Variants in GDPD4 observed in about 807,000 individuals in gnomAD.
The protein encoded by GDPD4 is glycerophosphodiester phosphodiesterase 6.
In GDPD4, 60 loss-of-function variants were observed where a neutral mutation model predicts 67.8. The ratio of observed to expected loss-of-function variants is 0.88; its 90% CI spans 0.72 to 1.10. The LOEUF is 1.10. GDPD4 is among the 50% of genes least tolerant of loss of function. The pLI is 0.00. For missense variants in GDPD4, 623 were observed against 613.9 expected, an observed-to-expected ratio of 1.01 and a Z score of -0.16; for synonymous variants, 212 against 210.9, an observed-to-expected ratio of 1.00 and a Z score of -0.04.
intron 13 of GDPD4, 24 bp downstream of exon 13, chr11:77,243,670 A>G: frequency 6.3e-7 from 1 of 1,597,048 alleles, no homozygotes; most frequent in East Asian, 2.2e-5. Context: ...ATATGTGCCA[A>G]GAGAGGTGTG....
rs958817664 is a variant in GDPD4, at chr11:77,233,149, T to C, written c.1265A>G (p.His422Arg). 4 of 1,614,018 alleles carry C rather than the reference T, an allele frequency of 2.5e-6. No homozygotes were observed. The highest frequency in any genetic ancestry group is 3.3e-4 in the Middle Eastern group (2 of 6,062). ...CTCATTGACGGTGTATACGTTGATA[T>C]GGATGTTAGCTGCTTTATAATCTCT... ...GLRDYKAANI[H>R]INVYTVNEPW... Residue 422 changes from histidine (H) to arginine (R), a missense_variant, in exon 14 of 17, where the codon CAT becomes CGT. Physicochemically the swap from His to Arg is conservative, Grantham distance 29. Coordinates refer to ENST00000315938, the MANE Select transcript of GDPD4 (RefSeq NM_182833.3).
chr11:77,279,604 T>A (rs570127840), intron 3 of GDPD4, among the ~76,000 whole-genome samples: 1 of 150,260 alleles, frequency 6.7e-6, no homozygotes, highest in Non-Finnish European at 1.5e-5. Context: ...GTTCATGGGG[T>A]CTGTAAACGC....
intron 10 of GDPD4, among the ~76,000 whole-genome samples, chr11:77,261,734 C>T (rs889314204): frequency 6.6e-6 from 1 of 152,188 alleles, no homozygotes; most frequent in Non-Finnish European, 1.5e-5. Context: ...GGATCCTTTG[C>T]CACTCAGCTA....
At chr11:77,287,878 G>A (rs925108118) in intron 1 of GDPD4, among the ~76,000 whole-genome samples, 1 of 152,132 alleles carries the variant, frequency 6.6e-6, no homozygotes, top group Admixed American at 6.5e-5. Context: ...CTCCCATATG[G>A]AATCAGTTAG....
intron 1 of GDPD4, among the ~76,000 whole-genome samples, chr11:77,296,467 C>T (rs551610509): frequency 6.6e-6 from 1 of 150,824 alleles, no homozygotes; most frequent in Non-Finnish European, 1.5e-5. Flanking sequence ...ATTACAAGCA[C>T]GCACCACTAT....
At chr11:77,266,615 T>C (rs572147997) in intron 10 of GDPD4, among the ~76,000 whole-genome samples, 1 of 152,282 alleles carries the variant, frequency 6.6e-6, no homozygotes, top group East Asian at 1.9e-4. Context: ...AGATGACCGC[T>C]CCATGCATGT....
At chr11:77,278,527 C>T (rs1220733877) in intron 4 of GDPD4, among the ~76,000 whole-genome samples, 1 of 152,336 alleles carries the variant, frequency 6.6e-6, no homozygotes, top group African/African-American at 2.4e-5. Context: ...TCTTCGTATA[C>T]TCAGCACTTC....
intron 10 of GDPD4, among the ~76,000 whole-genome samples, chr11:77,264,495 C>G (rs1257929129): frequency 6.6e-6 from 1 of 151,844 alleles, no homozygotes; most frequent in Non-Finnish European, 1.5e-5. Context: ...AGGAAACAGC[C>G]AGGTAGGAAG....
In GDPD4 at chr11:77,233,174, T is replaced by C; in HGVS notation, c.1242-2A>G. 1 of 1,612,874 alleles carries C rather than the reference T, an allele frequency of 6.2e-7. No homozygotes were observed. Among genetic ancestry groups the C allele is most frequent in the Non-Finnish European group, 8.5e-7 (1 of 1,178,988 alleles). The stretch of plus-strand genomic sequence containing the variant: ...TGGATGTTAGCTGCTTTATAATCTC[T>C]GGAACAAAAACAGAACCCACAGGGG... On this transcript the variant is annotated splice_acceptor_variant, in intron 13 of 16. Transcript: ENST00000315938. LOFTEE classifies it high-confidence loss of function.
intron 1 of GDPD4, among the ~76,000 whole-genome samples, chr11:77,298,274 G>T (rs938599900): frequency 6.6e-6 from 1 of 152,188 alleles, no homozygotes; most frequent in Non-Finnish European, 1.5e-5. Context: ...CACTTTGGGA[G>T]GCCAAGGCGG....
intron 1 of GDPD4, among the ~76,000 whole-genome samples, chr11:77,295,971 G>A (rs1159880796): frequency 6.6e-6 from 1 of 151,988 alleles, no homozygotes; most frequent in Non-Finnish European, 1.5e-5. Flanking sequence ...AAATTTCTTG[G>A]CCAGGCGCGG....
At chr11:77,270,911 G>A (rs1959213276) in intron 7 of GDPD4, 1 of 499,052 alleles carries the variant, frequency 2.0e-6, no homozygotes, top group Admixed American at 4.0e-5. Flanking sequence ...TCCCTCTTTA[G>A]AAGAAGGTCT....
intron 3 of GDPD4, among the ~76,000 whole-genome samples, chr11:77,279,904 G>A (rs1959678917): frequency 6.6e-6 from 1 of 152,074 alleles, no homozygotes; most frequent in South Asian, 2.1e-4. Context: ...GAGAAACAAT[G>A]TTATACTTGA....
chr11:77,268,192 G>A (rs936187747), intron 10 of GDPD4, among the ~76,000 whole-genome samples: 5 of 151,994 alleles, frequency 3.3e-5, no homozygotes, highest in Admixed American at 6.6e-5. Context: ...TGGTAAGCAC[G>A]GTTTGCAATG....
intron 3 of GDPD4, among the ~76,000 whole-genome samples, chr11:77,283,781 C>A (rs934771304): frequency 1.3e-5 from 2 of 151,182 alleles, no homozygotes; most frequent in African/African-American, 4.9e-5. Context: ...TTAATGCTGT[C>A]ATATACCTCT....
chr11:77,296,663 G>A (rs1937976477), intron 1 of GDPD4, among the ~76,000 whole-genome samples: 1 of 151,980 alleles, frequency 6.6e-6, no homozygotes, highest in Admixed American at 6.6e-5. Flanking sequence ...AGACTTTCTG[G>A]AGGAAATTGG....
chr11:77,228,017 A>C, intron 15 of GDPD4, 101 bp from the exon 16 acceptor site: 1 of 832,346 alleles, frequency 1.2e-6, no homozygotes, highest in Non-Finnish European at 2.1e-6. Context: ...CCATCTTGAA[A>C]CTTACAATCC....
chr11:77,247,760 A>G, intron 11 of GDPD4, among the ~76,000 whole-genome samples: 1 of 152,226 alleles, frequency 6.6e-6, no homozygotes. Flanking sequence ...GTTAAGAAAT[A>G]GAAAGACAAG....
chr11:77,240,460 A>G (rs1174406981), intron 13 of GDPD4, among the ~76,000 whole-genome samples: 2 of 152,214 alleles, frequency 1.3e-5, no homozygotes, highest in Non-Finnish European at 2.9e-5. Context: ...TTAGGCCCTT[A>G]TCTCATACCA....
Sources: gnomAD v4.1 joint callset for allele counts (sites outside exome capture counted in the v4.1 genomes callset) on GRCh38, gnomAD v4.1.1 for gene constraint, MANE v1.5 for transcripts, NCBI Gene and HGNC (gene_info 2026-07-23, HGNC 2026-07-21) for gene names.